The following DSCAM variants were observed in gnomAD, a reference collection of about 807,000 sequenced individuals.
DSCAM encodes the protein DS cell adhesion molecule.
In DSCAM, 47 loss-of-function variants were observed where a neutral mutation model predicts 217.7. The ratio of observed to expected loss-of-function variants is 0.22; its 90% CI spans 0.17 to 0.28. DSCAM has a LOEUF of 0.28. Among genes scored for constraint, DSCAM ranks in the 10% least tolerant of loss-of-function variants. The pLI, the probability that DSCAM is intolerant of heterozygous loss-of-function variation, is 1.00. For missense variants in DSCAM, 2,080 were observed against 2,618.3 expected, an observed-to-expected ratio of 0.79 and a Z score of 4.49; for synonymous variants, 1,056 against 1,015.3, an observed-to-expected ratio of 1.04 and a Z score of -0.76.
chr21:40,028,480 G>A (rs2088436891), intron 32 of DSCAM, among the ~76,000 whole-genome samples: 1 of 151,842 alleles, frequency 6.6e-6, no homozygotes, highest in Admixed American at 6.6e-5. Context: ...ATCTCAGACT[G>A]CTCTGCTAGC....
intron 3 of DSCAM, among the ~76,000 whole-genome samples, chr21:40,619,220 G>A (rs1372753860): frequency 6.6e-6 from 1 of 152,072 alleles, no homozygotes; most frequent in Non-Finnish European, 1.5e-5. Flanking sequence ...AATGTCAGAG[G>A]ATCCTTCTCC....
chr21:40,337,832 C>G (rs879930981), intron 8 of DSCAM, among the ~76,000 whole-genome samples: 2 of 151,972 alleles, frequency 1.3e-5, no homozygotes, highest in African/African-American at 2.4e-5. Context: ...TGATGTGCTC[C>G]TTTTTTTTCT....
At chr21:40,690,800 C>T (rs1252023104) in intron 3 of DSCAM, among the ~76,000 whole-genome samples, 1 of 152,156 alleles carries the variant, frequency 6.6e-6, no homozygotes, top group African/African-American at 2.4e-5. Flanking sequence ...AACAAAAGAA[C>T]ACACGTATTA....
At chr21:40,361,296 T>C (rs2074761796) in intron 4 of DSCAM, among the ~76,000 whole-genome samples, 1 of 152,180 alleles carries the variant, frequency 6.6e-6, no homozygotes, top group Non-Finnish European at 1.5e-5. Flanking sequence ...TAGTTTTACT[T>C]TGTTTTTGGT....
chr21:40,309,697 A>G (rs563984717), intron 9 of DSCAM, among the ~76,000 whole-genome samples: 57 of 152,210 alleles, frequency 3.7e-4, no homozygotes, highest in African/African-American at 1.4e-3. Context: ...TCTTTATCTC[A>G]TTTGCAACAT....
intron 1 of DSCAM, among the ~76,000 whole-genome samples, chr21:40,760,846 A>G (rs76655778): frequency 0.039 from 5,867 of 152,196 alleles, 362 homozygotes; most frequent in African/African-American, 0.13. Flanking sequence ...CTTCTAATAC[A>G]TCCCTACCTT....
chr21:40,427,229 T>C (rs1315763549), intron 3 of DSCAM, among the ~76,000 whole-genome samples: 1 of 152,076 alleles, frequency 6.6e-6, no homozygotes, highest in Non-Finnish European at 1.5e-5. Flanking sequence ...GGGCTGTCTG[T>C]CCTAGCTGAT....
At chr21:40,589,402 C>A (rs926066008) in intron 3 of DSCAM, among the ~76,000 whole-genome samples, 1 of 152,046 alleles carries the variant, frequency 6.6e-6, no homozygotes, top group Non-Finnish European at 1.5e-5. Flanking sequence ...ATGGTGAAAC[C>A]CCGTCCCTAC....
intron 3 of DSCAM, among the ~76,000 whole-genome samples, chr21:40,559,782 CTG>C (rs1374539695): frequency 2.7e-5 from 3 of 111,408 alleles, no homozygotes; most frequent in Non-Finnish European, 5.7e-5. Flanking sequence ...TTAAAATTTT[CTG>C]TCTTTTTTTT....
intron 3 of DSCAM, among the ~76,000 whole-genome samples, chr21:40,516,634 G>A (rs536364242): frequency 2.0e-5 from 3 of 152,230 alleles, no homozygotes; most frequent in East Asian, 1.9e-4. Flanking sequence ...CGTTGCCATG[G>A]AAATAGAACA....
chr21:40,534,216 T>C (rs932531757), intron 3 of DSCAM, among the ~76,000 whole-genome samples: 26 of 152,270 alleles, frequency 1.7e-4, no homozygotes, highest in Admixed American at 6.5e-4. Flanking sequence ...GAATAGAAAA[T>C]TTGACCCCAG....
chr21:40,232,634 T>A lies in DSCAM; in HGVS notation c.2357-43396A>T, dbSNP rs115183432. ...AAAGAGTTAGAATTCCATACAGAGA[T>A]GTTTTAGAGAAGAAGCCCCAAGCAT... On this transcript the variant is annotated intron_variant, in intron 11 of 32. Coordinates refer to ENST00000400454, the MANE Select transcript of DSCAM (RefSeq NM_001389.5). 7.2e-3 allele frequency among the ~76,000 whole-genome samples: 1,099 copies of A among 152,300 alleles called. 10 individuals carry two copies. Among genetic ancestry groups the A allele is most frequent in the African/African-American group, 0.024 (980 of 41,552 alleles).
At chr21:40,206,753 A>AAT (rs2091131279) in intron 11 of DSCAM, among the ~76,000 whole-genome samples, 2 of 152,198 alleles carry the variant, frequency 1.3e-5, no homozygotes, top group African/African-American at 4.8e-5. Flanking sequence ...TACAAAAATA[A>AAT]AATAATAAAT....
intron 31 of DSCAM, among the ~76,000 whole-genome samples, chr21:40,043,166 T>C (rs1317024649): frequency 6.6e-6 from 1 of 152,332 alleles, no homozygotes. Context: ...CAAGCCAGAA[T>C]GGCCCCCGAC....
At chr21:40,187,079 A>C in intron 14 of DSCAM, 52 bp downstream of exon 14, 1 of 1,603,486 alleles carries the variant, frequency 6.2e-7, no homozygotes, top group Non-Finnish European at 8.5e-7. Flanking sequence ...AAGGAGAAAA[A>C]TAAAAGAACT....
intron 1 of DSCAM, among the ~76,000 whole-genome samples, chr21:40,754,239 C>T (rs1434615314): frequency 6.6e-6 from 1 of 152,150 alleles, no homozygotes; most frequent in African/African-American, 2.4e-5. Flanking sequence ...TGCCCAGGAC[C>T]ACTATAATAG....
intron 9 of DSCAM, among the ~76,000 whole-genome samples, chr21:40,296,431 G>A (rs1004262165): frequency 1.3e-5 from 2 of 152,174 alleles, no homozygotes; most frequent in Non-Finnish European, 2.9e-5. Context: ...GGCCTCGAGG[G>A]AGGAAGTTTG....
At chr21:40,392,233 C>T (rs543241314) in intron 3 of DSCAM, among the ~76,000 whole-genome samples, 11 of 152,160 alleles carry the variant, frequency 7.2e-5, no homozygotes, top group African/African-American at 2.7e-4. Flanking sequence ...AAAATTAATG[C>T]CTATAAGTGA....
intron 11 of DSCAM, among the ~76,000 whole-genome samples, chr21:40,211,241 A>G (rs1206786138): frequency 6.6e-6 from 1 of 152,190 alleles, no homozygotes; most frequent in Non-Finnish European, 1.5e-5. Flanking sequence ...CTATGGATGG[A>G]CCATAGATTT....
Sources: allele counts gnomAD v4.1 joint callset (sites outside exome capture counted in the v4.1 genomes callset), GRCh38; gene constraint gnomAD v4.1.1; transcripts MANE v1.5; gene names NCBI Gene and HGNC (gene_info 2026-07-23, HGNC 2026-07-21).